The following HERC3 variants were observed in gnomAD, a reference collection of about 807,000 sequenced individuals.
HERC3 encodes HECT and RLD domain containing E3 ubiquitin protein ligase 3, also known as probable E3 ubiquitin-protein ligase HERC3.
Under a neutral mutation model 129.9 loss-of-function variants are expected in HERC3, and 58 were observed. That is an observed-to-expected ratio of 0.45 (90% CI 0.36 to 0.56). The LOEUF is 0.56. Among genes scored for constraint, HERC3 ranks in the 20% least tolerant of loss-of-function variants. The pLI, the probability that HERC3 is intolerant of heterozygous loss-of-function variation, is 0.00. For synonymous variants in HERC3, 430 were observed against 451.0 expected (o/e 0.95, Z 0.59); for missense variants, 835 against 1,244.2 (o/e 0.67, Z 4.95).
At chr4:88,648,762 A>G (rs1408247014) in intron 3 of HERC3, among the ~76,000 whole-genome samples, 1 of 151,708 alleles carries the variant, frequency 6.6e-6, no homozygotes, top group Non-Finnish European at 1.5e-5. Context: ...TGTCTTCTCC[A>G]TTCTCTTTCT....
At position 88,707,142 on chromosome 4, in the gene HERC3, T is replaced by G. The variant is rs1000191381; in HGVS notation, c.*182T>G. The stretch of plus-strand genomic sequence containing the variant: ...GCAGTAAACAACCTTTTTGAAAAAT[T>G]AGAGGTTGGGGATGGGGTGAAAAAT... On this transcript the variant is annotated 3_prime_UTR_variant, in exon 26 of 26. Coordinates refer to ENST00000402738, the MANE Select transcript of HERC3 (RefSeq NM_014606.3). 3.3e-6 allele frequency: 2 copies of G among 607,508 alleles called. No homozygotes were observed. The highest frequency in any genetic ancestry group is 3.7e-5 in the African/African-American group (2 of 53,818). 37.6% of individuals were successfully genotyped at this position (607,508 alleles called of 1,614,324 possible).
intron 16 of HERC3, among the ~76,000 whole-genome samples, chr4:88,670,460 C>G (rs1165193646): frequency 6.6e-6 from 1 of 152,140 alleles, no homozygotes; most frequent in South Asian, 2.1e-4. Flanking sequence ...GAATGTTACA[C>G]ATTTTATCAG....
At chr4:88,682,689 A>G (rs1262933190) in intron 21 of HERC3, among the ~76,000 whole-genome samples, 2 of 152,192 alleles carry the variant, frequency 1.3e-5, no homozygotes, top group African/African-American at 4.8e-5. Context: ...TCCATGGTGT[A>G]TATGTGCCAC....
Position 88,706,830 on chromosome 4 carries a change from G to GGGAGGA in HERC3, c.3025_3030dup (p.Glu1009_Glu1010dup). 5 of 1,614,146 alleles carry GGGAGGA rather than the reference G, an allele frequency of 3.1e-6. No individual in the cohort carries two copies. The highest frequency in any genetic ancestry group is 4.2e-6 in the Non-Finnish European group (5 of 1,180,006). ...ATTGTCATCCAGTCCACAGCCAGCG[G>GGGAGGA]GGAGGAGTACTTGCCGGTGGCCCAC... On this transcript the variant is annotated inframe_insertion, in exon 26 of 26. Coordinates refer to ENST00000402738, the MANE Select transcript of HERC3 (RefSeq NM_014606.3).
At chr4:88,668,706 G>C (rs1432871944) in intron 14 of HERC3, 1 of 153,074 alleles carries the variant, frequency 6.5e-6, no homozygotes, top group African/African-American at 2.4e-5. Context: ...TTCCCCCCTG[G>C]TAAATTTTGT....
chr4:88,669,338 C>T (rs1179989459), intron 14 of HERC3, among the ~76,000 whole-genome samples: 2 of 152,124 alleles, frequency 1.3e-5, no homozygotes, highest in Non-Finnish European at 2.9e-5. Flanking sequence ...AGTGGTATAT[C>T]TTCTTGTCTG....
chr4:88,704,709 T>C, intron 25 of HERC3, 99 bp downstream of exon 25: 1 of 737,070 alleles, frequency 1.4e-6, no homozygotes, highest in Non-Finnish European at 2.4e-6. Context: ...CTCATTTAAA[T>C]GGTAAAGACC....
At chr4:88,625,836 A>AT (rs147382274) in intron 3 of HERC3, among the ~76,000 whole-genome samples, 15,264 of 151,530 alleles carry the variant, frequency 0.1, 1,203 homozygotes, top group South Asian at 0.23. Flanking sequence ...ATATTTAGTG[A>AT]TTTTTTTTTA....
At chr4:88,656,433 A>G (rs890349177) in intron 9 of HERC3, 2 of 172,934 alleles carry the variant, frequency 1.2e-5, no homozygotes, top group Non-Finnish European at 2.5e-5. Context: ...GACACTTCAC[A>G]TGGCAGAAGC....
intron 3 of HERC3, among the ~76,000 whole-genome samples, chr4:88,637,429 A>G (rs1727550497): frequency 6.6e-6 from 1 of 152,066 alleles, no homozygotes; most frequent in Non-Finnish European, 1.5e-5. Context: ...CTGTCTCCAA[A>G]CAAACAAACA....
intron 3 of HERC3, among the ~76,000 whole-genome samples, chr4:88,607,087 A>C (rs1027705084): frequency 6.6e-6 from 1 of 152,064 alleles, no homozygotes; most frequent in Non-Finnish European, 1.5e-5. Flanking sequence ...CTGTCATGCA[A>C]GTCTGTGTTA....
intron 3 of HERC3, among the ~76,000 whole-genome samples, chr4:88,607,618 A>G (rs535211408): frequency 6.6e-6 from 1 of 152,202 alleles, no homozygotes; most frequent in South Asian, 2.1e-4. Context: ...GCATGTGCCA[A>G]TACACCTGCT....
chr4:88,706,025 T>G (rs771036298), intron 25 of HERC3, among the ~76,000 whole-genome samples: 2 of 152,230 alleles, frequency 1.3e-5, no homozygotes, highest in African/African-American at 2.4e-5. Flanking sequence ...TGCCTGCTCA[T>G]GGTCCTGGAA....
chr4:88,590,672 T>C (rs1721653009), upstream of HERC3, among the ~76,000 whole-genome samples: 1 of 152,216 alleles, frequency 6.6e-6, no homozygotes, highest in Admixed American at 6.5e-5. Flanking sequence ...CACCTAACAA[T>C]AGGATCTCTC....
At chr4:88,542,967 C>T in the HERC3 span, among the ~76,000 whole-genome samples, 23 of 152,038 alleles carry the variant, frequency 1.5e-4, no homozygotes, top group African/African-American at 5.6e-4. Flanking sequence ...TATGACAAAC[C>T]CACAGCCAAT....
At chr4:88,602,906 G>T (rs1336488659) in intron 2 of HERC3, among the ~76,000 whole-genome samples, 1 of 152,202 alleles carries the variant, frequency 6.6e-6, no homozygotes, top group African/African-American at 2.4e-5. Flanking sequence ...CTCTTATCAT[G>T]CCTCATCCAA....
intron 23 of HERC3, among the ~76,000 whole-genome samples, chr4:88,691,601 A>G (rs1578329603): frequency 6.6e-6 from 1 of 152,250 alleles, no homozygotes; most frequent in East Asian, 1.9e-4. Context: ...TTACTGCTGT[A>G]CTCTTTACTA....
At chr4:88,561,883 T>C in the HERC3 span, among the ~76,000 whole-genome samples, 1 of 152,146 alleles carries the variant, frequency 6.6e-6, no homozygotes, top group Non-Finnish European at 1.5e-5. Flanking sequence ...ATTTTCTTTA[T>C]CCATTCATCT....
intron 23 of HERC3, chr4:88,692,877 G>C: frequency 1.0e-6 from 1 of 985,318 alleles, no homozygotes. Flanking sequence ...GGGCTCAAGA[G>C]TTCCCATCCT....
Sources: gnomAD v4.1 joint callset for allele counts (sites outside exome capture counted in the v4.1 genomes callset) on GRCh38, gnomAD v4.1.1 for gene constraint, MANE v1.5 for transcripts, NCBI Gene and HGNC (gene_info 2026-07-23, HGNC 2026-07-21) for gene names.